The following DCDC2C variants were observed in gnomAD, a reference collection of about 807,000 sequenced individuals.
DCDC2C encodes doublecortin domain containing 2C.
Under a neutral mutation model 45.0 loss-of-function variants are expected in DCDC2C, and 44 were observed. The observed-to-expected ratio is 0.98, with a 90% CI of 0.77 to 1.26. The LOEUF (loss-of-function observed/expected upper bound fraction) is 1.26. DCDC2C is among the 50% of genes most tolerant of loss of function. The pLI, the probability that DCDC2C is intolerant of heterozygous loss-of-function variation, is 0.00. For synonymous variants in DCDC2C, 187 were observed against 178.8 expected (o/e 1.05, Z -0.37); for missense variants, 447 against 468.9 (o/e 0.95, Z 0.43).
At chr2:3,737,775 C>T (rs926002283) in intron 3 of DCDC2C, among the ~76,000 whole-genome samples, 3 of 152,212 alleles carry the variant, frequency 2.0e-5, no homozygotes, top group Admixed American at 1.3e-4. Context: ...CAGCTGTCAT[C>T]GCCAACCCAC....
chr2:3,728,699 G>A (rs1002306997), intron 3 of DCDC2C, among the ~76,000 whole-genome samples: 1 of 152,230 alleles, frequency 6.6e-6, no homozygotes, highest in Non-Finnish European at 1.5e-5. Context: ...GTTCCTCGGA[G>A]TCCTTGTCGC....
At chr2:3,836,754 C>T (rs926908873) in intron 10 of DCDC2C, among the ~76,000 whole-genome samples, 13 of 150,774 alleles carry the variant, frequency 8.6e-5, no homozygotes, top group African/African-American at 2.0e-4. Context: ...CCCAGCTACT[C>T]GGGAGGCTGA....
chr2:3,793,936 GA>G (rs1289841963), intron 10 of DCDC2C, among the ~76,000 whole-genome samples: 1 of 152,166 alleles, frequency 6.6e-6, no homozygotes, highest in African/African-American at 2.4e-5. Flanking sequence ...ATATGTACTT[GA>G]AAAAGAGAGG....
intron 10 of DCDC2C, among the ~76,000 whole-genome samples, chr2:3,811,916 C>T (rs939659395): frequency 3.9e-5 from 6 of 152,182 alleles, no homozygotes; most frequent in South Asian, 2.1e-4. Context: ...AGCCTTGCAT[C>T]GCAGGGAGGA....
chr2:3,806,828 T>A (rs897141053), intron 10 of DCDC2C, among the ~76,000 whole-genome samples: 1 of 152,184 alleles, frequency 6.6e-6, no homozygotes, highest in African/African-American at 2.4e-5. Context: ...ATTATAGACC[T>A]GAGCCACTGC....
intron 10 of DCDC2C, among the ~76,000 whole-genome samples, chr2:3,806,172 C>T (rs931000438): frequency 2.0e-5 from 3 of 152,166 alleles, no homozygotes; most frequent in South Asian, 2.1e-4. Context: ...CCTGATGAAT[C>T]GGTCATGATT....
intron 6 of DCDC2C, among the ~76,000 whole-genome samples, chr2:3,763,200 G>A (rs1669929581): frequency 6.6e-6 from 1 of 152,176 alleles, no homozygotes; most frequent in African/African-American, 2.4e-5. Context: ...GATGAGCACT[G>A]GCCGACTGCC....
rs569128167 is a variant in DCDC2C, at chr2:3,780,948, A to G, written c.1023+2064A>G. Among the ~76,000 whole-genome samples the G allele has an allele frequency of 2.6e-5, 4 of 152,310 alleles. No individual in the cohort carries two copies. The East Asian group carries it at 5.8e-4, about 22-fold the overall frequency. ...AGGTATTTCCTGTATCAGGCTTCAC[A>G]CTGTGTCCCTCGTAGATACCGTTGC... On this transcript the variant is annotated intron_variant, in intron 9 of 10. Coordinates refer to ENST00000399143, the MANE Select transcript of DCDC2C (RefSeq NM_001287444.2).
intron 10 of DCDC2C, among the ~76,000 whole-genome samples, chr2:3,837,000 T>G (rs1672096796): frequency 6.6e-6 from 1 of 152,032 alleles, no homozygotes; most frequent in South Asian, 2.1e-4. Context: ...TTTCCCCAAG[T>G]GGAATATAAT....
At chr2:3,707,901 C>T (rs960203855) in intron 1 of DCDC2C, among the ~76,000 whole-genome samples, 13 of 152,200 alleles carry the variant, frequency 8.5e-5, no homozygotes, top group African/African-American at 3.1e-4. Context: ...ATCTCAAATA[C>T]ATATTTTTTT....
chr2:3,708,462 C>T (rs1046940216), intron 1 of DCDC2C, 87 bp from the exon 2 acceptor site: 23 of 1,049,380 alleles, frequency 2.2e-5, no homozygotes, highest in South Asian at 1.1e-4. Context: ...TCTATTAAGC[C>T]GGAAAAGGAC....
At chr2:3,730,175 G>A (rs1201257008) in intron 3 of DCDC2C, among the ~76,000 whole-genome samples, 1 of 152,166 alleles carries the variant, frequency 6.6e-6, no homozygotes, top group African/African-American at 2.4e-5. Flanking sequence ...CAGAGGCCAG[G>A]CACAGTCGCT....
chr2:3,763,142 C>T (rs903208078), intron 6 of DCDC2C, among the ~76,000 whole-genome samples: 1 of 152,202 alleles, frequency 6.6e-6, no homozygotes, highest in Non-Finnish European at 1.5e-5. Flanking sequence ...TGTCCGGAGT[C>T]AAGTCTTACC....
At chr2:3,750,697 C>G (rs77400370) in intron 4 of DCDC2C, among the ~76,000 whole-genome samples, 1 of 152,108 alleles carries the variant, frequency 6.6e-6, no homozygotes, top group African/African-American at 2.4e-5. Flanking sequence ...TGTCTGCCGG[C>G]GAGTTTTCCT....
intron 10 of DCDC2C, among the ~76,000 whole-genome samples, chr2:3,823,474 G>A (rs1484525793): frequency 6.6e-6 from 1 of 152,094 alleles, no homozygotes; most frequent in Non-Finnish European, 1.5e-5. Context: ...AGTGTCTTAT[G>A]TCTTGTTGGT....
At chr2:3,826,387 C>T (rs1477145121) in intron 10 of DCDC2C, among the ~76,000 whole-genome samples, 1 of 151,996 alleles carries the variant, frequency 6.6e-6, no homozygotes, top group Non-Finnish European at 1.5e-5. Flanking sequence ...TCTGGTGTAA[C>T]ATATTAGCCA....
At chr2:3,762,859 A>C (rs550398461) in intron 6 of DCDC2C, among the ~76,000 whole-genome samples, 1 of 152,260 alleles carries the variant, frequency 6.6e-6, no homozygotes, top group Non-Finnish European at 1.5e-5. Context: ...GAGAGGAGGC[A>C]GCTGTTTTGG....
intron 6 of DCDC2C, among the ~76,000 whole-genome samples, chr2:3,756,590 G>A (rs1558211979): frequency 6.6e-6 from 1 of 152,242 alleles, no homozygotes; most frequent in Non-Finnish European, 1.5e-5. Flanking sequence ...CACTTCCTCT[G>A]CACTTGCACT....
At chr2:3,837,604 A>C (rs534355536) in intron 10 of DCDC2C, among the ~76,000 whole-genome samples, 2 of 148,850 alleles carry the variant, frequency 1.3e-5, no homozygotes, top group Middle Eastern at 3.4e-3. Context: ...TTCTCATCTA[A>C]AGGGGAAGAA....
Sources: allele counts gnomAD v4.1 joint callset (sites outside exome capture counted in the v4.1 genomes callset), GRCh38; gene constraint gnomAD v4.1.1; transcripts MANE v1.5; gene names NCBI Gene and HGNC (gene_info 2026-07-23, HGNC 2026-07-21).